Variants in ZNF385D observed in about 807,000 individuals in gnomAD.
ZNF385D encodes the protein zinc finger protein 659.
ZNF385D carries 15 observed loss-of-function variants against 35.8 expected under a neutral mutation model. The ratio of observed to expected loss-of-function variants is 0.42; its 90% CI spans 0.28 to 0.64. ZNF385D has a LOEUF of 0.64. Among genes scored for constraint, ZNF385D ranks in the 30% least tolerant of loss-of-function variants. ZNF385D has a pLI of 0.23. For synonymous variants in ZNF385D, 212 were observed against 186.8 expected (o/e 1.13, Z -1.10); for missense variants, 474 against 494.6 (o/e 0.96, Z 0.39).
chr3:21,629,644 G>T (rs1034982018), intron 2 of ZNF385D, among the ~76,000 whole-genome samples: 1 of 151,990 alleles, frequency 6.6e-6, no homozygotes, highest in South Asian at 2.1e-4. Context: ...TCTAGGAAAG[G>T]TGGCCTCAAA....
intron 1 of ZNF385D, among the ~76,000 whole-genome samples, chr3:21,708,772 T>C (rs2067996117): frequency 6.6e-6 from 1 of 152,144 alleles, no homozygotes; most frequent in African/African-American, 2.4e-5. Context: ...TTCAACAGAT[T>C]TGCATCAGTA....
At chr3:21,968,390 A>C (rs994962506) in intron 3 of ZNF385D, among the ~76,000 whole-genome samples, 2 of 152,082 alleles carry the variant, frequency 1.3e-5, no homozygotes, top group Admixed American at 6.5e-5. Flanking sequence ...GTTCAGAGCC[A>C]GTGGACTTGA....
In ZNF385D at chr3:22,295,850, C is replaced by G. The variant is rs187146979; in HGVS notation, c.106+76600G>C. 2.6e-5 allele frequency among the ~76,000 whole-genome samples: 4 copies of G among 152,112 alleles called. No individual in the cohort carries two copies. The South Asian group carries it at 6.2e-4, about 24-fold the overall frequency. On this transcript the variant is annotated intron_variant, in intron 2 of 5. Coordinates refer to the ZNF385D transcript ENST00000494108. ...AGAGAAAGCTACCACCCCTGCCTCACGGCCCCTCCCAATGGCATTGTTGAT... is the reference window on the plus strand; with the variant it reads ...AGAGAAAGCTACCACCCCTGCCTCAGGGCCCCTCCCAATGGCATTGTTGAT...
At chr3:21,875,852 C>T (rs144284291) in intron 3 of ZNF385D, among the ~76,000 whole-genome samples, 257 of 152,008 alleles carry the variant, frequency 1.7e-3, no homozygotes, top group Non-Finnish European at 2.5e-3. Context: ...TCTGGCAGAC[C>T]CAGGCTGGTC....
intron 2 of ZNF385D, among the ~76,000 whole-genome samples, chr3:22,279,690 T>C (rs1432160689): frequency 6.6e-6 from 1 of 151,366 alleles, no homozygotes. Flanking sequence ...CACTCACTGA[T>C]GAGAATTTGG....
intron 3 of ZNF385D, among the ~76,000 whole-genome samples, chr3:21,914,909 T>C (rs1345730244): frequency 6.7e-6 from 1 of 149,036 alleles, no homozygotes; most frequent in Non-Finnish European, 1.5e-5. Flanking sequence ...ACTAAAAAAA[T>C]GGCAAAAAAA....
At chr3:22,136,217 C>T (rs923251256) in intron 3 of ZNF385D, among the ~76,000 whole-genome samples, 7 of 152,094 alleles carry the variant, frequency 4.6e-5, no homozygotes, top group African/African-American at 1.4e-4. Flanking sequence ...AACCTCATCT[C>T]TACTAAAAAT....
chr3:22,220,368 G>A (rs1325079192), intron 2 of ZNF385D, among the ~76,000 whole-genome samples: 1 of 152,092 alleles, frequency 6.6e-6, no homozygotes, highest in African/African-American at 2.4e-5. Context: ...ACTGCCTCCA[G>A]CAAAAAGTTA....
intron 3 of ZNF385D, among the ~76,000 whole-genome samples, chr3:22,144,399 C>A (rs534292928): frequency 6.3e-4 from 95 of 151,792 alleles, no homozygotes; most frequent in African/African-American, 2.0e-3. Flanking sequence ...TAGGGTGAAA[C>A]CCCCTCTCTA....
intron 3 of ZNF385D, among the ~76,000 whole-genome samples, chr3:21,925,872 A>T (rs1034849112): frequency 4.6e-5 from 7 of 152,204 alleles, no homozygotes; most frequent in Non-Finnish European, 7.3e-5. Flanking sequence ...TACACAAATG[A>T]AAAGGCATTT....
At chr3:22,261,124 C>A (rs920663197) in intron 2 of ZNF385D, among the ~76,000 whole-genome samples, 1 of 150,578 alleles carries the variant, frequency 6.6e-6, no homozygotes, top group Non-Finnish European at 1.5e-5. Context: ...TCCATCCATC[C>A]ATCTACACCG....
In ZNF385D at chr3:21,876,844, A is replaced by T. The variant is rs138989773; in HGVS notation, c.326-211816T>A. Among the ~76,000 whole-genome samples, 668 of 152,120 alleles carry T rather than the reference A, an allele frequency of 4.4e-3. 5 individuals carry two copies. The highest frequency in any genetic ancestry group is 0.014 in the African/African-American group (602 of 41,534). ...GCTACTAAGCATTAGCTTCTGTCTAAATGTTCTTTCTTTCTCTAATTGCTT... is the reference window on the plus strand; with the variant it reads ...GCTACTAAGCATTAGCTTCTGTCTATATGTTCTTTCTTTCTCTAATTGCTT... On this transcript the variant is annotated intron_variant, in intron 3 of 5. Transcript: ENST00000494108.
intron 3 of ZNF385D, among the ~76,000 whole-genome samples, chr3:22,061,355 T>G (rs1699677727): frequency 1.3e-5 from 2 of 152,188 alleles, no homozygotes; most frequent in South Asian, 4.1e-4. Context: ...CCCCCATTTC[T>G]TTCTACTTTT....
Position 22,194,792 on chromosome 3 carries a change from T to A in ZNF385D, c.107-25757A>T, listed in dbSNP as rs1237560058. On this transcript the variant is annotated intron_variant, in intron 2 of 5. Transcript: ENST00000494108. ...CTGGCTTTTTAACTCAGGCTGATGG[T>A]TTTTAGATACTTCCAAATTATGTGT... Among the ~76,000 whole-genome samples, 3 of 151,972 alleles carry A rather than the reference T, an allele frequency of 2.0e-5. No homozygotes were observed. In the East Asian group the frequency reaches 5.8e-4, roughly 29 times the overall value.
At chr3:21,895,111 GAC>G (rs1699065314) in intron 3 of ZNF385D, among the ~76,000 whole-genome samples, 1 of 151,998 alleles carries the variant, frequency 6.6e-6, no homozygotes, top group Non-Finnish European at 1.5e-5. Flanking sequence ...TCCAAGCAAA[GAC>G]ATGCATGTTC....
At chr3:21,946,813 T>C (rs746228320) in intron 3 of ZNF385D, among the ~76,000 whole-genome samples, 11 of 152,168 alleles carry the variant, frequency 7.2e-5, no homozygotes, top group Admixed American at 3.9e-4. Context: ...GCCTGGGTGA[T>C]AGAGCGACAC....
chr3:21,978,157 T>A (rs540956739), intron 3 of ZNF385D: 1 of 152,336 alleles, frequency 6.6e-6, no homozygotes, highest in South Asian at 2.1e-4. Flanking sequence ...AGAGGTAGGA[T>A]GTCTTTGAAA....
chr3:21,498,694 C>T (rs756327480), intron 4 of ZNF385D, among the ~76,000 whole-genome samples: 10 of 151,908 alleles, frequency 6.6e-5, no homozygotes, highest in Non-Finnish European at 1.2e-4. Context: ...AATAACAAGT[C>T]ACACTTTGGG....
chr3:21,800,357 T>G (rs2072339595), intron 3 of ZNF385D, among the ~76,000 whole-genome samples: 2 of 152,208 alleles, frequency 1.3e-5, no homozygotes, highest in South Asian at 4.1e-4. Context: ...TTAGCAATAT[T>G]AAATCTATCC....
Sources: gnomAD v4.1 joint callset for allele counts (sites outside exome capture counted in the v4.1 genomes callset) on GRCh38, gnomAD v4.1.1 for gene constraint, MANE v1.5 for transcripts, NCBI Gene and HGNC (gene_info 2026-07-23, HGNC 2026-07-21) for gene names.